The following VEPH1 variants were observed in gnomAD, a reference collection of about 807,000 sequenced individuals.
VEPH1 encodes the protein ventricular zone-expressed PH domain-containing protein homolog 1.
In VEPH1, 80 loss-of-function variants were observed where a neutral mutation model predicts 85.2. The ratio of observed to expected loss-of-function variants is 0.94; its 90% CI spans 0.78 to 1.13. The LOEUF (loss-of-function observed/expected upper bound fraction) is 1.13, where lower values mean the gene tolerates loss of function less well. Ranked by LOEUF, VEPH1 falls within the 50% of genes most tolerant of loss-of-function variation. The pLI is 0.00. For synonymous variants in VEPH1, 297 were observed against 348.0 expected (o/e 0.85, Z 1.63); for missense variants, 955 against 980.5 (o/e 0.97, Z 0.35).
At chr3:157,453,389 G>C (rs1735124886) in intron 4 of VEPH1, among the ~76,000 whole-genome samples, 1 of 152,122 alleles carries the variant, frequency 6.6e-6, no homozygotes, top group Non-Finnish European at 1.5e-5. Context: ...GGTAAAATGG[G>C]ATAATAATAG....
intron 6 of VEPH1, among the ~76,000 whole-genome samples, chr3:157,395,916 A>T (rs898105303): frequency 1.3e-5 from 2 of 152,012 alleles, no homozygotes; most frequent in Admixed American, 1.3e-4. Context: ...TCTCTGTGTC[A>T]CCAATTTTCT....
At position 157,438,033 on chromosome 3, in the gene VEPH1, G is replaced by GCACA. The variant is rs1187828452; in HGVS notation, c.530-9546_530-9545insTGTG. On this transcript the variant is annotated intron_variant, in intron 4 of 13. Coordinates refer to ENST00000362010, the MANE Select transcript of VEPH1 (RefSeq NM_001167912.2). The stretch of plus-strand genomic sequence containing the variant: ...GCTTTCATGGGAAGCGCGCGCGCGC[G>GCACA]CGCGCACACACACACACACACACAC... 18 of 793,936 alleles carry GCACA rather than the reference G, an allele frequency of 2.3e-5. No homozygotes were observed. In the African/African-American group the frequency reaches 3.0e-4, roughly 13 times the overall value. The allele number at this position is 793,936 out of a possible 1,614,324, so 49.2% of individuals were successfully genotyped here.
intron 4 of VEPH1, chr3:157,443,203 G>T (rs2109247878): frequency 2.1e-6 from 1 of 482,764 alleles, no homozygotes; most frequent in Non-Finnish European, 3.6e-6. Context: ...TTATGCCATG[G>T]TGCTTTCAGT....
intron 4 of VEPH1, chr3:157,459,539 G>A (rs2109355914): frequency 6.2e-6 from 6 of 968,034 alleles, no homozygotes; most frequent in Non-Finnish European, 6.4e-6. Context: ...TTAATATCAT[G>A]TATTGTTCTC....
intron 1 of VEPH1, among the ~76,000 whole-genome samples, chr3:157,496,108 C>T (rs1164209266): frequency 2.0e-5 from 3 of 152,150 alleles, no homozygotes; most frequent in South Asian, 4.1e-4. Context: ...AGGAGAATGG[C>T]GTTAGATAAA....
At chr3:157,458,921 G>A (rs1290314774) in intron 4 of VEPH1, among the ~76,000 whole-genome samples, 4 of 152,152 alleles carry the variant, frequency 2.6e-5, no homozygotes, top group African/African-American at 9.7e-5. Flanking sequence ...TCAAAGATCA[G>A]ATGGTGGCTC....
At chr3:157,459,709 T>A in intron 4 of VEPH1, 2 of 1,410,566 alleles carry the variant, frequency 1.4e-6, no homozygotes, top group South Asian at 3.3e-5. Context: ...ATGCTAGTAT[T>A]TATGCTTGTT....
At chr3:157,299,963 C>T (rs749020619) in intron 11 of VEPH1, among the ~76,000 whole-genome samples, 2 of 152,098 alleles carry the variant, frequency 1.3e-5, no homozygotes, top group African/African-American at 2.4e-5. Flanking sequence ...GACATCCCTG[C>T]GAAGTGTTTA....
At chr3:157,354,176 G>A (rs1374840827) in intron 9 of VEPH1, among the ~76,000 whole-genome samples, 2 of 152,024 alleles carry the variant, frequency 1.3e-5, no homozygotes, top group African/African-American at 4.8e-5. Flanking sequence ...TGGGGCACAG[G>A]AGGTAAATGG....
At chr3:157,477,349 C>A (rs942964330) in intron 2 of VEPH1, among the ~76,000 whole-genome samples, 6 of 152,020 alleles carry the variant, frequency 3.9e-5, no homozygotes, top group Non-Finnish European at 8.8e-5. Flanking sequence ...TTATAAGGAC[C>A]CTTGATTATA....
intron 12 of VEPH1, among the ~76,000 whole-genome samples, chr3:157,276,376 T>C (rs1013554846): frequency 6.6e-6 from 1 of 152,236 alleles, no homozygotes; most frequent in African/African-American, 2.4e-5. Context: ...CTTGTTAGAA[T>C]GCACATTTCC....
chr3:157,462,754 A>G (rs1735999470), intron 3 of VEPH1, among the ~76,000 whole-genome samples: 1 of 151,948 alleles, frequency 6.6e-6, no homozygotes, highest in Non-Finnish European at 1.5e-5. Flanking sequence ...TCTTCTGGAG[A>G]CTCTACCCTA....
intron 5 of VEPH1, among the ~76,000 whole-genome samples, chr3:157,426,594 ATCT>A (rs1457774609): frequency 6.6e-6 from 1 of 152,136 alleles, no homozygotes; most frequent in Non-Finnish European, 1.5e-5. Flanking sequence ...AATTGTTAAA[ATCT>A]TCTACTTGAA....
chr3:157,471,001 A>C (rs2109468830), intron 2 of VEPH1, among the ~76,000 whole-genome samples: 1 of 152,188 alleles, frequency 6.6e-6, no homozygotes, highest in African/African-American at 2.4e-5. Context: ...ATAACTACAA[A>C]ACCCATTTTA....
chr3:157,460,042 G>A lies in VEPH1; in HGVS notation c.529+139C>T, dbSNP rs182233566. 48 of 1,581,772 alleles carry A rather than the reference G, an allele frequency of 3.0e-5. 1 individual carries two copies. In the African/African-American group the frequency reaches 4.0e-4, roughly 13 times the overall value. On this transcript the variant is annotated intron_variant, in intron 4 of 13. Transcript: ENST00000362010. ...TTAAGTAACCTTTTGCATGTTCACAGGTCAACTGGCAGCAAAACAGAGAAA... is the reference window on the plus strand; with the variant it reads ...TTAAGTAACCTTTTGCATGTTCACAAGTCAACTGGCAGCAAAACAGAGAAA...
At chr3:157,292,914 C>T (rs1354087332) in intron 11 of VEPH1, among the ~76,000 whole-genome samples, 1 of 145,362 alleles carries the variant, frequency 6.9e-6, no homozygotes, top group African/African-American at 2.6e-5. Flanking sequence ...GCCCAGGAGG[C>T]GGAGGTTGCG....
rs968108562 is a variant in VEPH1, at chr3:157,483,342, T to C, written c.138+11870A>G. On this transcript the variant is annotated intron_variant, in intron 2 of 13. Coordinates refer to ENST00000362010, the MANE Select transcript of VEPH1 (RefSeq NM_001167912.2). ...ACAGACCACTCAGTACTTACACAAATAAAATCTTACTTATGCTGAACTTAA... is the reference window on the plus strand; with the variant it reads ...ACAGACCACTCAGTACTTACACAAACAAAATCTTACTTATGCTGAACTTAA... 2.4e-4 allele frequency among the ~76,000 whole-genome samples: 37 copies of C among 152,136 alleles called. 1 individual carries two copies. The highest frequency in any genetic ancestry group is 2.0e-3 in the Admixed American group (30 of 15,254).
At chr3:157,389,632 TAGATAGATA>T (rs1455842666) in intron 6 of VEPH1, among the ~76,000 whole-genome samples, 9 of 1,618 alleles carry the variant, frequency 5.6e-3, no homozygotes, top group African/African-American at 0.028. Context: ...GGTAAGCAGA[TAGATAGATA>T]GATAGATAGA....
At chr3:157,323,290 T>C (rs558195977) in intron 9 of VEPH1, among the ~76,000 whole-genome samples, 23 of 152,346 alleles carry the variant, frequency 1.5e-4, no homozygotes, top group African/African-American at 4.8e-4. Context: ...TGTTTGAAAT[T>C]ACATCAAATA....
Sources: gnomAD v4.1 joint callset for allele counts (sites outside exome capture counted in the v4.1 genomes callset) on GRCh38, gnomAD v4.1.1 for gene constraint, MANE v1.5 for transcripts, NCBI Gene and HGNC (gene_info 2026-07-23, HGNC 2026-07-21) for gene names.